GAP43: variants seen among roughly 807,000 people sequenced by gnomAD.
GAP43 encodes the protein growth associated protein 43.
GAP43 carries 6 observed loss-of-function variants against 18.6 expected under a neutral mutation model. The ratio of observed to expected loss-of-function variants is 0.32; its 90% CI spans 0.18 to 0.64. The LOEUF is 0.64. Among genes scored for constraint, GAP43 ranks in the 30% least tolerant of loss-of-function variants. The pLI is 0.78. For missense variants in GAP43, 292 were observed against 295.5 expected, an observed-to-expected ratio of 0.99 and a Z score of 0.09; for synonymous variants, 115 against 111.4, an observed-to-expected ratio of 1.03 and a Z score of -0.20.
Position 115,648,653 on chromosome 3 carries a change from C to A in GAP43, c.30+24934C>A, listed in dbSNP as rs370885228. On this transcript the variant is annotated intron_variant, in intron 1 of 2. Coordinates refer to ENST00000305124, the MANE Select transcript of GAP43 (RefSeq NM_002045.4). ...AAGTGGAGGCAGAGGGTACAGGGGG[C>A]ACATGACTCAAAGGCTGATTGAGAG... Among the ~76,000 whole-genome samples the A allele has an allele frequency of 1.8e-4, 28 of 152,138 alleles. No individual in the cohort carries two copies. The East Asian group carries it at 2.7e-3, about 15-fold the overall frequency.
At chr3:115,705,971 T>G (rs896069970) in intron 2 of GAP43, among the ~76,000 whole-genome samples, 2 of 152,146 alleles carry the variant, frequency 1.3e-5, no homozygotes, top group Non-Finnish European at 2.9e-5. Flanking sequence ...TAGAAAACTT[T>G]CAAGAGAACA....
chr3:115,716,796 A>T (rs1304216872), intron 2 of GAP43, among the ~76,000 whole-genome samples: 1 of 137,440 alleles, frequency 7.3e-6, no homozygotes, highest in Non-Finnish European at 1.6e-5. Flanking sequence ...AGAGAGTTTT[A>T]TATGTTCCAG....
At position 115,697,985 on chromosome 3, in the gene GAP43, G is replaced by GCT. The variant is rs1553724555; in HGVS notation, c.628+21375_628+21376insCT. 4.2e-5 allele frequency among the ~76,000 whole-genome samples: 2 copies of GCT among 47,864 alleles called. 1 individual carries two copies. Among genetic ancestry groups the GCT allele is most frequent in the Non-Finnish European group, 6.4e-5 (2 of 31,244 alleles). 31.4% of individuals were successfully genotyped at this position (47,864 alleles called of 152,430 possible). A position where few individuals can be genotyped will look rare whatever the true frequency, so the allele number is the denominator to read the frequency against. The stretch of plus-strand genomic sequence containing the variant: ...ATAAAAATTCACAGAGTACATGTGC[G>GCT]TGTGTGTGTGTGTGTGTGTGTGTGT... On this transcript the variant is annotated intron_variant, in intron 2 of 2. Transcript: ENST00000305124.
At chr3:115,632,558 A>G (rs1166678274) in intron 1 of GAP43, among the ~76,000 whole-genome samples, 1 of 152,180 alleles carries the variant, frequency 6.6e-6, no homozygotes, top group African/African-American at 2.4e-5. Context: ...ACAAAATTTA[A>G]CAGATTCTCC....
intron 2 of GAP43, among the ~76,000 whole-genome samples, chr3:115,717,673 T>C (rs1709527661): frequency 6.6e-6 from 1 of 151,690 alleles, no homozygotes; most frequent in African/African-American, 2.4e-5. Flanking sequence ...ATTTTGCTTT[T>C]TTTTTTTTTT....
chr3:115,698,145 ATATT>A (rs1709235028), intron 2 of GAP43, among the ~76,000 whole-genome samples: 3 of 9,334 alleles, frequency 3.2e-4, no homozygotes, highest in Non-Finnish European at 6.9e-4. Context: ...TATATAATAT[ATATT>A]ATATATAATA....
At chr3:115,698,423 A>G (rs972292209) in intron 2 of GAP43, among the ~76,000 whole-genome samples, 1 of 145,468 alleles carries the variant, frequency 6.9e-6, no homozygotes, top group Non-Finnish European at 1.5e-5. Flanking sequence ...TGTGACTCAG[A>G]TTACTCCAAT....
chr3:115,666,393 C>T (rs571740190), intron 1 of GAP43, among the ~76,000 whole-genome samples: 1 of 152,214 alleles, frequency 6.6e-6, no homozygotes, highest in East Asian at 1.9e-4. Flanking sequence ...CTACAATCAT[C>T]AGGATGAATA....
chr3:115,690,779 G>T, intron 2 of GAP43, among the ~76,000 whole-genome samples: 1 of 117,468 alleles, frequency 8.5e-6, no homozygotes, highest in Non-Finnish European at 1.7e-5. Flanking sequence ...TTTTTGAGAC[G>T]GAGTCTCCCT....
At chr3:115,707,990 T>TACAC (rs3086971) in intron 2 of GAP43, among the ~76,000 whole-genome samples, 3,828 of 146,940 alleles carry the variant, frequency 0.026, 146 homozygotes, top group African/African-American at 0.088. Flanking sequence ...TATATCGGGA[T>TACAC]ACACACACAC....
At chr3:115,637,854 A>G (rs1241332173) in intron 1 of GAP43, among the ~76,000 whole-genome samples, 4 of 152,066 alleles carry the variant, frequency 2.6e-5, no homozygotes, top group Admixed American at 2.6e-4. Flanking sequence ...TCAGAAACAG[A>G]ACCCTTATAT....
intron 2 of GAP43, among the ~76,000 whole-genome samples, chr3:115,700,790 T>C (rs184933650): frequency 1.9e-3 from 296 of 152,274 alleles, no homozygotes; most frequent in Non-Finnish European, 3.6e-3. Context: ...CAAAATTAAC[T>C]CTATTTTTTC....
chr3:115,659,446 A>G (rs1332894308), intron 1 of GAP43, among the ~76,000 whole-genome samples: 1 of 151,956 alleles, frequency 6.6e-6, no homozygotes, highest in Non-Finnish European at 1.5e-5. Flanking sequence ...CCAAATTTAG[A>G]CTTGGTGTGA....
At position 115,681,247 on chromosome 3, in the gene GAP43, T is replaced by A. The variant is rs145147893; in HGVS notation, c.628+4637T>A. Reference sequence around the variant, plus strand: ...GATAATATTTTTCTTTCTATTTTTATATTCCAAGAATAGGGACAAAGTAAA... The same window carrying A: ...GATAATATTTTTCTTTCTATTTTTAAATTCCAAGAATAGGGACAAAGTAAA... On this transcript the variant is annotated intron_variant, in intron 2 of 2. Coordinates refer to ENST00000305124, the MANE Select transcript of GAP43 (RefSeq NM_002045.4). Among the ~76,000 whole-genome samples, 241 of 152,366 alleles carry A rather than the reference T, an allele frequency of 1.6e-3. 1 individual carries two copies. The highest frequency in any genetic ancestry group is 5.5e-3 in the African/African-American group (230 of 41,582).
intron 1 of GAP43, among the ~76,000 whole-genome samples, chr3:115,652,356 C>CTTTTTTTTTTTTTTTTTTTTTTT (rs71141831): frequency 1.8e-4 from 8 of 43,810 alleles, no homozygotes; most frequent in Admixed American, 3.8e-4. Context: ...ATCCAGCATT[C>CTTTTTTTTTTTTTTTTTTTTTTT]TTTTTTTTTT....
Position 115,623,585 on chromosome 3 carries a change from AGAGCGAGT to A in GAP43, c.-100_-93del, listed in dbSNP as rs1322795950. ...GGGAGAGAGAGCGCGCTAGCGCGAG[AGAGCGAGT>A]GAGCAAGCGAGCAGAAAAGAGGTGG... On this transcript the variant is annotated 5_prime_UTR_variant, in exon 1 of 3. Transcript: ENST00000305124. The A allele has an allele frequency of 2.8e-6, 4 of 1,449,816 alleles. No homozygotes were observed. In the African/African-American group the frequency reaches 5.6e-5, roughly 20 times the overall value. The allele number at this position is 1,449,816 out of a possible 1,614,324, so 89.8% of individuals were successfully genotyped here. A position where few individuals can be genotyped will look rare whatever the true frequency, so the allele number is the denominator to read the frequency against.
intron 2 of GAP43, 90 bp from the exon 3 acceptor site, chr3:115,720,704 G>A: frequency 1.4e-6 from 1 of 738,962 alleles, no homozygotes; most frequent in Non-Finnish European, 2.3e-6. Flanking sequence ...GACATAAAAA[G>A]AAGAAATGCA....
chr3:115,661,846 A>G (rs867809049), intron 1 of GAP43, among the ~76,000 whole-genome samples: 1 of 22,608 alleles, frequency 4.4e-5, no homozygotes, highest in Non-Finnish European at 9.4e-5. Context: ...TTTTTTTTTT[A>G]CCTGGGAGCT....
At chr3:115,653,636 T>C (rs1708547675) in intron 1 of GAP43, among the ~76,000 whole-genome samples, 2 of 152,152 alleles carry the variant, frequency 1.3e-5, no homozygotes, top group South Asian at 2.1e-4. Flanking sequence ...AATTAATGAG[T>C]TGAAAAAGAC....
Sources: gnomAD v4.1 joint callset for allele counts (sites outside exome capture counted in the v4.1 genomes callset) on GRCh38, gnomAD v4.1.1 for gene constraint, MANE v1.5 for transcripts, NCBI Gene and HGNC (gene_info 2026-07-23, HGNC 2026-07-21) for gene names.